The following AGK variants were observed in gnomAD, a reference collection of about 807,000 sequenced individuals.
AGK encodes the protein acylglycerol kinase, mitochondrial.
In AGK, 52 loss-of-function variants were observed where a neutral mutation model predicts 66.4. The ratio of observed to expected loss-of-function variants is 0.78; its 90% confidence interval spans 0.63 to 0.99. The LOEUF (loss-of-function observed/expected upper bound fraction) is 0.99, where lower values mean the gene tolerates loss of function less well. AGK is among the 50% of genes least tolerant of loss of function. The pLI is 0.00. For synonymous variants in AGK, 182 were observed against 181.1 expected, an observed-to-expected ratio of 1.00 and a Z score of -0.04; for missense variants, 451 against 506.6, an observed-to-expected ratio of 0.89 and a Z score of 1.05.
chr7:141,650,685 T>C, intron 14 of AGK: 1 of 985,354 alleles, frequency 1.0e-6, no homozygotes, highest in Non-Finnish European at 1.2e-6. Context: ...CGCTGGAAAT[T>C]TTACTCCATA....
chr7:141,626,368 A>G (rs1796938338), intron 9 of AGK, among the ~76,000 whole-genome samples: 1 of 152,222 alleles, frequency 6.6e-6, no homozygotes, highest in Non-Finnish European at 1.5e-5. Flanking sequence ...CTGCGTAATA[A>G]TTGATTCAGG....
In AGK at chr7:141,614,360, G is replaced by A. The variant is rs116153096; in HGVS notation, c.423+182G>A. Reference sequence around the variant, plus strand: ...TAGAACACGTATATTAACACATGGGGACTTTTCTGGTTTGGTAATTGATGG... The same window carrying A: ...TAGAACACGTATATTAACACATGGGAACTTTTCTGGTTTGGTAATTGATGG... On this transcript the variant is annotated intron_variant, in intron 7 of 15. Coordinates refer to ENST00000649286, the MANE Select transcript of AGK (RefSeq NM_018238.4). Among the ~76,000 whole-genome samples the A allele has an allele frequency of 0.012, 1,878 of 152,022 alleles. 47 individuals are homozygous for A. The highest frequency in any genetic ancestry group is 0.041 in the African/African-American group (1,704 of 41,456).
chr7:141,619,854 ATG>A (rs1796787145), intron 8 of AGK, among the ~76,000 whole-genome samples: 1 of 152,210 alleles, frequency 6.6e-6, no homozygotes, highest in Non-Finnish European at 1.5e-5. Flanking sequence ...TTCAAAAGAA[ATG>A]AAGATATATG....
intron 9 of AGK, among the ~76,000 whole-genome samples, chr7:141,623,772 C>CT (rs1423677611): frequency 1.3e-4 from 20 of 152,256 alleles, no homozygotes; most frequent in African/African-American, 4.8e-4. Flanking sequence ...ACAAAACAGC[C>CT]TTTTATTGGA....
At chr7:141,646,732 G>GTCTT (rs1562985905) in intron 13 of AGK, among the ~76,000 whole-genome samples, 1 of 152,152 alleles carries the variant, frequency 6.6e-6, no homozygotes, top group Non-Finnish European at 1.5e-5. Flanking sequence ...AAATTTCAGT[G>GTCTT]TCTTTAAGTC....
intron 5 of AGK, among the ~76,000 whole-genome samples, 174 bp downstream of exon 5, chr7:141,601,454 T>A (rs1796339234): frequency 6.6e-6 from 1 of 152,232 alleles, no homozygotes; most frequent in South Asian, 2.1e-4. Context: ...TGTCAGCTTT[T>A]CATTTTCAGA....
intron 11 of AGK, 71 bp downstream of exon 11, chr7:141,637,088 ATT>A: frequency 7.9e-7 from 1 of 1,270,598 alleles, no homozygotes. Context: ...TATATTTGGT[ATT>A]TTTTTTTAAT....
intron 2 of AGK, among the ~76,000 whole-genome samples, chr7:141,561,142 T>C (rs181753663): frequency 1.1e-3 from 171 of 152,352 alleles, no homozygotes; most frequent in African/African-American, 4.0e-3. Context: ...GGTGTATATA[T>C]ACCACATTTT....
chr7:141,646,973 T>C (rs1016941026), intron 13 of AGK, among the ~76,000 whole-genome samples: 1 of 152,196 alleles, frequency 6.6e-6, no homozygotes, highest in African/African-American at 2.4e-5. Flanking sequence ...CTGTGCTTTC[T>C]TTCTTTTCCT....
chr7:141,610,073 A>C (rs1381087977), intron 5 of AGK, among the ~76,000 whole-genome samples: 1 of 151,578 alleles, frequency 6.6e-6, no homozygotes, highest in Non-Finnish European at 1.5e-5. Flanking sequence ...GGTTCAAGCG[A>C]TTCTCCTGCC....
intron 9 of AGK, among the ~76,000 whole-genome samples, chr7:141,627,283 C>CT (rs1362194126): frequency 6.6e-6 from 1 of 151,704 alleles, no homozygotes; most frequent in African/African-American, 2.4e-5. Context: ...CATCTAAACT[C>CT]TTATTTTTTT....
At chr7:141,633,564 A>C (rs759221813) in intron 9 of AGK, among the ~76,000 whole-genome samples, 1 of 152,240 alleles carries the variant, frequency 6.6e-6, no homozygotes, top group Non-Finnish European at 1.5e-5. Context: ...GGACAAGTAC[A>C]TGAAAGAAAA....
At chr7:141,572,468 C>A (rs1026456457) in intron 2 of AGK, among the ~76,000 whole-genome samples, 2 of 152,148 alleles carry the variant, frequency 1.3e-5, no homozygotes, top group African/African-American at 4.8e-5. Context: ...AGTTACTTAA[C>A]CACCTGAACC....
intron 11 of AGK, among the ~76,000 whole-genome samples, chr7:141,639,114 C>T (rs534145893): frequency 5.9e-5 from 9 of 152,096 alleles, no homozygotes; most frequent in South Asian, 2.1e-4. Context: ...GTAAGAGTTT[C>T]GAGAAGCAAA....
At chr7:141,590,554 C>T (rs1457768352) in intron 2 of AGK, among the ~76,000 whole-genome samples, 5 of 152,048 alleles carry the variant, frequency 3.3e-5, no homozygotes, top group Non-Finnish European at 7.4e-5. Flanking sequence ...GTGACAATGC[C>T]CAGGTTACTA....
intron 2 of AGK, among the ~76,000 whole-genome samples, chr7:141,591,078 A>G (rs933231502): frequency 7.1e-4 from 94 of 133,008 alleles, no homozygotes; most frequent in Non-Finnish European, 3.6e-4. Context: ...ATGGTTCTTA[A>G]GTTGTTTTTT....
chr7:141,617,344 G>A lies in AGK; in HGVS notation c.518+1779G>A, dbSNP rs1304945966. Among the ~76,000 whole-genome samples the A allele has an allele frequency of 2.0e-5, 3 of 152,088 alleles. No individual in the cohort carries two copies. In the East Asian group the frequency reaches 5.8e-4, roughly 29 times the overall value. ...AGTTTGGGGGAACTGATTTTCTCTT[G>A]TAGTTAAACTACTACTGTTGCTGCT... On this transcript the variant is annotated intron_variant, in intron 8 of 15. Coordinates refer to ENST00000649286, the MANE Select transcript of AGK (RefSeq NM_018238.4).
At chr7:141,558,647 A>C (rs530823756) in intron 2 of AGK, among the ~76,000 whole-genome samples, 89 of 152,294 alleles carry the variant, frequency 5.8e-4, no homozygotes, top group African/African-American at 2.1e-3. Context: ...TATGCCCAGA[A>C]GTGGGGATTG....
chr7:141,652,762 G>C (rs760433303), intron 15 of AGK, 25 bp from the exon 16 acceptor site: 1 of 1,611,844 alleles, frequency 6.2e-7, no homozygotes, highest in Non-Finnish European at 8.5e-7. Context: ...TGTTTGAGCT[G>C]TTCTGAATAT....
Sources: gnomAD v4.1 joint callset for allele counts (sites outside exome capture counted in the v4.1 genomes callset) on GRCh38, gnomAD v4.1.1 for gene constraint, MANE v1.5 for transcripts, NCBI Gene and HGNC (gene_info 2026-07-23, HGNC 2026-07-21) for gene names.